Variants in PTGR1 observed in about 807,000 individuals in gnomAD.
The protein encoded by PTGR1 is 15-oxoprostaglandin 13-reductase.
In PTGR1, 23 loss-of-function variants were observed where a neutral mutation model predicts 37.7. The observed-to-expected ratio is 0.61, with a 90% CI of 0.44 to 0.86. The LOEUF is 0.86. Ranked by LOEUF, PTGR1 falls within the 40% of genes least tolerant of loss-of-function variation. The probability of loss-of-function intolerance (pLI) is 0.00; values close to 1 mark genes in which losing one functional copy is unlikely to be tolerated. For synonymous variants in PTGR1, 134 were observed against 140.0 expected (o/e 0.96, Z 0.30); for missense variants, 351 against 394.3 (o/e 0.89, Z 0.93).
intron 7 of PTGR1, chr9:111,576,775 A>C (rs183020943): frequency 5.9e-6 from 1 of 170,194 alleles, no homozygotes; most frequent in Non-Finnish European, 1.3e-5. Context: ...GAATCTAATA[A>C]GGGACTTGTA....
intron 8 of PTGR1, 130 bp from the exon 9 acceptor site, chr9:111,570,339 A>C: frequency 7.1e-7 from 1 of 1,402,708 alleles, no homozygotes; most frequent in Non-Finnish European, 9.4e-7. Flanking sequence ...CCATTTCCTC[A>C]CTCCTTTCTG....
chr9:111,568,849 A>G (rs1317604729), intron 9 of PTGR1, among the ~76,000 whole-genome samples: 1 of 152,250 alleles, frequency 6.6e-6, no homozygotes, highest in Non-Finnish European at 1.5e-5. Flanking sequence ...CATCCAGGCT[A>G]GAAGGCATGG....
intron 9 of PTGR1, among the ~76,000 whole-genome samples, chr9:111,555,345 A>G (rs1194091224): frequency 1.3e-5 from 2 of 152,080 alleles, no homozygotes; most frequent in East Asian, 3.9e-4. Context: ...TTAGCCTCTG[A>G]TTTTCTCCCT....
At chr9:111,584,470 A>G (rs183820931) in intron 5 of PTGR1, among the ~76,000 whole-genome samples, 1 of 152,360 alleles carries the variant, frequency 6.6e-6, no homozygotes, top group African/African-American at 2.4e-5. Context: ...TTTCACAATG[A>G]TGTCCTTGGC....
chr9:111,590,494 G>A (rs1218994684), intron 4 of PTGR1, among the ~76,000 whole-genome samples: 1 of 152,074 alleles, frequency 6.6e-6, no homozygotes, highest in Non-Finnish European at 1.5e-5. Flanking sequence ...GAATAGCTAG[G>A]ATTACAGATG....
intron 1 of PTGR1, among the ~76,000 whole-genome samples, chr9:111,598,379 C>A (rs573459225): frequency 4.5e-4 from 69 of 152,340 alleles, no homozygotes; most frequent in Non-Finnish European, 2.9e-5. Context: ...CCCCAGCTCC[C>A]CTACCGGTGC....
intron 3 of PTGR1, among the ~76,000 whole-genome samples, chr9:111,593,820 G>A (rs752042643): frequency 2.6e-5 from 4 of 152,028 alleles, no homozygotes; most frequent in Non-Finnish European, 4.4e-5. Context: ...TGAGCAGCTG[G>A]GACCACAGGC....
intron 8 of PTGR1, among the ~76,000 whole-genome samples, chr9:111,571,730 C>T (rs552067779): frequency 7.2e-5 from 11 of 152,210 alleles, no homozygotes; most frequent in Non-Finnish European, 1.6e-4. Flanking sequence ...GTTTGAAACT[C>T]CTGGGCCAAG....
chr9:111,564,218 G>T, intron 9 of PTGR1: 1 of 1,079,232 alleles, frequency 9.3e-7, no homozygotes, highest in Non-Finnish European at 1.1e-6. Flanking sequence ...TGGATTTATA[G>T]ACAAGATTAT....
intron 6 of PTGR1, among the ~76,000 whole-genome samples, chr9:111,582,741 A>T (rs563782419): frequency 5.3e-5 from 8 of 152,324 alleles, no homozygotes; most frequent in Middle Eastern, 3.4e-3. Flanking sequence ...CCAAGCTTCT[A>T]TTAGCACTGG....
At chr9:111,560,974 T>TAGAGAGAGAG (rs1172194603), downstream of PTGR1, among the ~76,000 whole-genome samples, 1 of 9,332 alleles carries the variant, frequency 1.1e-4, no homozygotes, top group Non-Finnish European at 1.9e-4. Context: ...TATATATATA[T>TAGAGAGAGAG]AGAGAGAGAG....
intron 8 of PTGR1, among the ~76,000 whole-genome samples, chr9:111,572,572 AGAGT>A (rs1389572672): frequency 6.6e-6 from 1 of 152,042 alleles, no homozygotes; most frequent in Non-Finnish European, 1.5e-5. Context: ...CCTGGGCGAC[AGAGT>A]GAGACTCTGT....
chr9:111,581,408 C>T (rs1829274525), intron 6 of PTGR1, among the ~76,000 whole-genome samples: 1 of 152,126 alleles, frequency 6.6e-6, no homozygotes, highest in South Asian at 2.1e-4. Flanking sequence ...TAATGGCTAA[C>T]TAAGTTGCAG....
chr9:111,591,514 C>A (rs1376307842), intron 4 of PTGR1, among the ~76,000 whole-genome samples: 1 of 151,228 alleles, frequency 6.6e-6, no homozygotes, highest in African/African-American at 2.4e-5. Flanking sequence ...GGATTACAGG[C>A]ATGCACTACC....
rs1220177033 is a variant in PTGR1 at position 111,592,966 on chromosome 9, A to G, written c.169T>C (p.Leu57=). The change falls in exon 4 of 10, where the codon TTG becomes CTG. Residue 57 remains leucine, a synonymous_variant. Coordinates refer to ENST00000407693, the MANE Select transcript of PTGR1 (RefSeq NM_001146108.2). ...CCCATCATTGTATCACCTTCCTTCAATCTTTTGGCTGCCACTCTGCAAAAA... is the reference window on the plus strand; with the variant it reads ...CCCATCATTGTATCACCTTCCTTCAGTCTTTTGGCTGCCACTCTGCAAAAA... ...DPYMRVAAKR[L]KEGDTMMGQQ... 1 of 1,558,232 alleles carries G rather than the reference A, an allele frequency of 6.4e-7. No individual in the cohort carries two copies. The highest frequency in any genetic ancestry group is 8.7e-7 in the Non-Finnish European group (1 of 1,155,532).
chr9:111,555,364 A>T (rs76945757), intron 9 of PTGR1, among the ~76,000 whole-genome samples: 1 of 152,132 alleles, frequency 6.6e-6, no homozygotes, highest in Admixed American at 6.5e-5. Flanking sequence ...CTACTTCCAG[A>T]AAACCTGATG....
chr9:111,597,909 T>C (rs114332838), intron 1 of PTGR1, among the ~76,000 whole-genome samples: 1,526 of 151,744 alleles, frequency 0.01, 26 homozygotes, highest in African/African-American at 0.036. Flanking sequence ...CTCTTTCAGA[T>C]GGAAACAGCC....
intron 7 of PTGR1, chr9:111,576,616 A>T: frequency 1.8e-6 from 1 of 552,302 alleles, no homozygotes; most frequent in South Asian, 2.7e-5. Flanking sequence ...ATAAAATAAA[A>T]GCTACTAGGA....
At chr9:111,561,851 T>A (rs1036383933), downstream of PTGR1, among the ~76,000 whole-genome samples, 1 of 152,194 alleles carries the variant, frequency 6.6e-6, no homozygotes, top group African/African-American at 2.4e-5. Flanking sequence ...ACCTAATATA[T>A]GCCAGGCATT....
Sources: allele counts gnomAD v4.1 joint callset (sites outside exome capture counted in the v4.1 genomes callset), GRCh38; gene constraint gnomAD v4.1.1; transcripts MANE v1.5; gene names NCBI Gene and HGNC (gene_info 2026-07-23, HGNC 2026-07-21).